HIPK3: variants seen among roughly 807,000 people sequenced by gnomAD.
HIPK3 encodes the protein homeodomain-interacting protein kinase 3.
Under a neutral mutation model 124.2 loss-of-function variants are expected in HIPK3, and 47 were observed. The ratio of observed to expected loss-of-function variants is 0.38; its 90% CI spans 0.30 to 0.48. HIPK3 has a LOEUF of 0.48. Ranked by LOEUF, HIPK3 falls within the 20% of genes least tolerant of loss-of-function variation. HIPK3 has a pLI of 0.98. For missense variants in HIPK3, 1,286 were observed against 1,454.3 expected (o/e 0.88, Z 1.88); for synonymous variants, 482 against 515.2 (o/e 0.94, Z 0.87).
intron 2 of HIPK3, among the ~76,000 whole-genome samples, chr11:33,307,062 C>G (rs770770236): frequency 3.3e-5 from 5 of 151,982 alleles, no homozygotes; most frequent in Non-Finnish European, 7.4e-5. Context: ...TCCTCACATC[C>G]CCAGTGGCTG....
chr11:33,337,912 T>G (rs1439907999), intron 4 of HIPK3, among the ~76,000 whole-genome samples: 1 of 152,190 alleles, frequency 6.6e-6, no homozygotes, highest in Non-Finnish European at 1.5e-5. Context: ...GACCTTGTGA[T>G]CCGCCTGCCT....
Position 33,356,763 on chromosome 11 carries a change from A to G in HIPK3, c.*3195A>G, listed in dbSNP as rs932726797. 3 of 152,104 alleles carry G rather than the reference A, an allele frequency of 2.0e-5. No homozygotes were observed. The highest frequency in any genetic ancestry group is 1.9e-4 in the East Asian group (1 of 5,202). The allele number at this position is 152,104 out of a possible 1,614,324, so 9.4% of individuals were successfully genotyped here. On this transcript the variant is annotated 3_prime_UTR_variant, in exon 17 of 17. Coordinates refer to ENST00000303296, the MANE Select transcript of HIPK3 (RefSeq NM_005734.5). Reference sequence around the variant, plus strand: ...TTTATTTGTTTTTGCTTTTACTCCTATGCTACACTAGTTTGCCATGTAGCA... The same window carrying G: ...TTTATTTGTTTTTGCTTTTACTCCTGTGCTACACTAGTTTGCCATGTAGCA...
intron 2 of HIPK3, among the ~76,000 whole-genome samples, chr11:33,314,872 A>C (rs1287804100): frequency 3.3e-5 from 5 of 152,214 alleles, no homozygotes; most frequent in Non-Finnish European, 5.9e-5. Flanking sequence ...AATATACTTC[A>C]TAGTCAGATA....
At chr11:33,260,344 T>G (rs1850789882) in intron 1 of HIPK3, among the ~76,000 whole-genome samples, 1 of 152,178 alleles carries the variant, frequency 6.6e-6, no homozygotes, top group Admixed American at 6.5e-5. Flanking sequence ...TTGATTGAAC[T>G]TTTGTTTTTA....
Position 33,286,376 on chromosome 11 carries a change from CTTTTTTTTCTTTTCCTT to C in HIPK3, c.-2-28_-2-12del. ...TGTTGACATTAATATTTCTTCTTTC[CTTTTTTTTCTTTTCCTT>C]TTTTTTTTTTTTTTTGCAGGTATGG... On this transcript the variant is annotated intron_variant, in intron 1 of 16. Transcript: ENST00000303296. The C allele has an allele frequency of 7.3e-7, 1 of 1,363,590 alleles. No individual in the cohort carries two copies. The highest frequency in any genetic ancestry group is 1.5e-5 in the African/African-American group (1 of 64,632). 84.5% of individuals were successfully genotyped at this position (1,363,590 alleles called of 1,614,324 possible). A position where few individuals can be genotyped will look rare whatever the true frequency, so the allele number is the denominator to read the frequency against.
intron 16 of HIPK3, among the ~76,000 whole-genome samples, chr11:33,352,802 C>T (rs1265780253): frequency 6.6e-6 from 1 of 152,022 alleles, no homozygotes; most frequent in Non-Finnish European, 1.5e-5. Context: ...AGAAGTGCTC[C>T]ACAAATGGTA....
intron 1 of HIPK3, among the ~76,000 whole-genome samples, chr11:33,281,988 C>T (rs1383972442): frequency 6.6e-6 from 1 of 152,120 alleles, no homozygotes; most frequent in Non-Finnish European, 1.5e-5. Context: ...TGCCAGATTG[C>T]CTTCCCACCA....
Position 33,341,772 on chromosome 11 carries a change from A to G in HIPK3, c.1897+86A>G. ...GGAATCTGTTCATTAAATATATTGT[A>G]TAATTTTTGCTGCATTTAGTGCTAC... On this transcript the variant is annotated intron_variant, in intron 8 of 16. Coordinates refer to ENST00000303296, the MANE Select transcript of HIPK3 (RefSeq NM_005734.5). 3 of 1,302,152 alleles carry G rather than the reference A, an allele frequency of 2.3e-6. No individual in the cohort carries two copies. The East Asian group carries it at 7.3e-5, about 32-fold the overall frequency. The allele number at this position is 1,302,152 out of a possible 1,614,324, so 80.7% of individuals were successfully genotyped here. A position where few individuals can be genotyped will look rare whatever the true frequency, so the allele number is the denominator to read the frequency against.
chr11:33,336,744 C>T lies in HIPK3; in HGVS notation c.1222-331C>T, dbSNP rs548262293. Among the ~76,000 whole-genome samples, 20 of 152,324 alleles carry T rather than the reference C, an allele frequency of 1.3e-4. 1 individual carries two copies. In the South Asian group the frequency reaches 3.9e-3, roughly 30 times the overall value. On this transcript the variant is annotated intron_variant, in intron 3 of 16. Coordinates refer to ENST00000303296, the MANE Select transcript of HIPK3 (RefSeq NM_005734.5). The stretch of plus-strand genomic sequence containing the variant: ...TCTCTCTTGATTTTCTATATTTACA[C>T]ATACTATAACCTTGGCATAGTTTTT...
intron 1 of HIPK3, among the ~76,000 whole-genome samples, chr11:33,260,276 G>A (rs1850788224): frequency 6.6e-6 from 1 of 152,068 alleles, no homozygotes; most frequent in Non-Finnish European, 1.5e-5. Context: ...TGCAAGATAT[G>A]GAGAGCCTCC....
intron 2 of HIPK3, among the ~76,000 whole-genome samples, chr11:33,319,539 C>A (rs1852603499): frequency 6.6e-6 from 1 of 151,126 alleles, no homozygotes; most frequent in South Asian, 2.1e-4. Flanking sequence ...ATTGTTAAAG[C>A]TCAGTAAATA....
intron 1 of HIPK3, among the ~76,000 whole-genome samples, chr11:33,259,993 A>G (rs1334364079): frequency 2.0e-5 from 3 of 149,172 alleles, no homozygotes; most frequent in Middle Eastern, 3.4e-3. Context: ...TCATAACATG[A>G]TAAGTCAGCC....
At chr11:33,304,984 G>T (rs1303182261) in intron 2 of HIPK3, among the ~76,000 whole-genome samples, 5 of 152,112 alleles carry the variant, frequency 3.3e-5, no homozygotes, top group African/African-American at 1.2e-4. Context: ...GCTTTGAATA[G>T]GCAAAAACCA....
At chr11:33,261,082 A>C (rs1439415505) in intron 1 of HIPK3, among the ~76,000 whole-genome samples, 1 of 148,410 alleles carries the variant, frequency 6.7e-6, no homozygotes, top group East Asian at 1.9e-4. Context: ...TACCGGTGTA[A>C]GTCTAAAGGG....
intron 1 of HIPK3, among the ~76,000 whole-genome samples, chr11:33,276,587 C>T (rs1851276571): frequency 6.6e-6 from 1 of 152,148 alleles, no homozygotes; most frequent in Admixed American, 6.5e-5. Flanking sequence ...GACTGCTTCA[C>T]TTTGGTGTGG....
At chr11:33,330,833 T>G (rs1344970123) in intron 3 of HIPK3, among the ~76,000 whole-genome samples, 2 of 151,806 alleles carry the variant, frequency 1.3e-5, no homozygotes, top group African/African-American at 4.8e-5. Flanking sequence ...GACTTTCAAG[T>G]GCTTTTTTTT....
intron 2 of HIPK3, among the ~76,000 whole-genome samples, chr11:33,320,868 A>G (rs1852643688): frequency 6.6e-6 from 1 of 152,198 alleles, no homozygotes; most frequent in African/African-American, 2.4e-5. Flanking sequence ...AGTGCTGAGC[A>G]GACAATTGGA....
chr11:33,258,212 C>A, intron 1 of HIPK3: 1 of 728,000 alleles, frequency 1.4e-6, no homozygotes, highest in Non-Finnish European at 1.7e-6. Flanking sequence ...TCGGCCCCCC[C>A]TCCCCCTGCC....
In HIPK3 at chr11:33,355,525, TA is replaced by T. The variant is rs1425873510; in HGVS notation, c.*1958del. On this transcript the variant is annotated 3_prime_UTR_variant, in exon 17 of 17. Transcript: ENST00000303296. ...TACAAAGCATTGGAGTGTAAAACTC[TA>T]GATGTTTTGGATTTACAGCGTTTCT... 2.0e-5 allele frequency: 3 copies of T among 152,146 alleles called. No homozygotes were observed. Among genetic ancestry groups the T allele is most frequent in the Non-Finnish European group, 4.4e-5 (3 of 67,874 alleles). 9.4% of individuals were successfully genotyped at this position (152,146 alleles called of 1,614,324 possible).
Sources: gnomAD v4.1 joint callset for allele counts (sites outside exome capture counted in the v4.1 genomes callset) on GRCh38, gnomAD v4.1.1 for gene constraint, MANE v1.5 for transcripts, NCBI Gene and HGNC (gene_info 2026-07-23, HGNC 2026-07-21) for gene names.